Variants in THUMPD2 observed in about 807,000 individuals in gnomAD.
THUMPD2 encodes THUMP domain 2 tRNA and snRNA guanosine methyltransferase, also known as U6 snRNA (guanine-N(2))-methyltransferase THUMPD2.
THUMPD2 carries 56 observed loss-of-function variants against 49.4 expected under a neutral mutation model. That is an observed-to-expected ratio of 1.13 (90% CI 0.91 to 1.41). The LOEUF (loss-of-function observed/expected upper bound fraction) is 1.41, where lower values mean the gene tolerates loss of function less well. Ranked by LOEUF, THUMPD2 falls within the 40% of genes most tolerant of loss-of-function variation. The pLI, the probability that THUMPD2 is intolerant of heterozygous loss-of-function variation, is 0.00. For synonymous variants in THUMPD2, 237 were observed against 205.2 expected (o/e 1.15, Z -1.32); for missense variants, 709 against 594.5 (o/e 1.19, Z -2.00).
chr2:39,764,511 G>C lies in THUMPD2; in HGVS notation c.803+1546C>G, dbSNP rs536355447. On this transcript the variant is annotated intron_variant, in intron 5 of 9. Transcript: ENST00000505747. ...TTCATGGGGCTATTGATATCCAAAT[G>C]GTTTTTTCCTTTAAAGAAAGTAAAA... Among the ~76,000 whole-genome samples the C allele has an allele frequency of 2.0e-5, 3 of 152,270 alleles. No homozygotes were observed. In the East Asian group the frequency reaches 5.8e-4, roughly 29 times the overall value.
intron 3 of THUMPD2, chr2:39,769,105 A>G: frequency 7.7e-7 from 1 of 1,303,578 alleles, no homozygotes; most frequent in Non-Finnish European, 1.0e-6. Context: ...TGTGCAGAGT[A>G]GCCACTGAAT....
At chr2:39,766,339 T>C (rs974943731) in intron 4 of THUMPD2, 10 of 333,374 alleles carry the variant, frequency 3.0e-5, no homozygotes, top group Middle Eastern at 7.9e-4. Context: ...ATTTATTATA[T>C]AGGAGAGTCA....
At chr2:39,771,138 G>A (rs1476024132) in intron 2 of THUMPD2, among the ~76,000 whole-genome samples, 2 of 152,000 alleles carry the variant, frequency 1.3e-5, no homozygotes, top group African/African-American at 2.4e-5. Context: ...AATTTACAAG[G>A]TGATGATTTT....
chr2:39,763,109 C>T (rs1042017753), intron 5 of THUMPD2, among the ~76,000 whole-genome samples: 4 of 151,618 alleles, frequency 2.6e-5, no homozygotes, highest in African/African-American at 7.3e-5. Flanking sequence ...TTCAGAGAAC[C>T]TAGCTAATGT....
chr2:39,757,745 G>C (rs1409158361), intron 6 of THUMPD2, among the ~76,000 whole-genome samples: 4 of 152,150 alleles, frequency 2.6e-5, no homozygotes, highest in Admixed American at 6.5e-5. Flanking sequence ...GATTTTCCTT[G>C]TTATGATATG....
At chr2:39,764,504 T>C (rs1009217634) in intron 5 of THUMPD2, among the ~76,000 whole-genome samples, 5 of 152,250 alleles carry the variant, frequency 3.3e-5, no homozygotes, top group South Asian at 2.1e-4. Context: ...GCTATTGATA[T>C]CCAAATGGTT....
intron 8 of THUMPD2, among the ~76,000 whole-genome samples, chr2:39,753,985 TCTGA>T (rs1338696490): frequency 1.3e-5 from 2 of 152,066 alleles, no homozygotes; most frequent in African/African-American, 2.4e-5. Flanking sequence ...GTGGAGCACT[TCTGA>T]CTGTTTTTTA....
At chr2:39,755,476 G>T in intron 7 of THUMPD2, 67 bp from the exon 8 acceptor site, 1 of 1,055,738 alleles carries the variant, frequency 9.5e-7, no homozygotes, top group South Asian at 1.7e-5. Flanking sequence ...TAAGAAAATC[G>T]ACTTGCATTT....
At chr2:39,747,423 A>C (rs1178790087) in intron 8 of THUMPD2, among the ~76,000 whole-genome samples, 1 of 152,194 alleles carries the variant, frequency 6.6e-6, no homozygotes, top group East Asian at 1.9e-4. Context: ...AGAAGTCCAT[A>C]AACATTAGTC....
intron 1 of THUMPD2, among the ~76,000 whole-genome samples, chr2:39,778,852 G>A (rs1395514115): frequency 6.6e-6 from 1 of 152,204 alleles, no homozygotes; most frequent in Non-Finnish European, 1.5e-5. Flanking sequence ...AAAGAATCCA[G>A]GAAATAACTT....
intron 3 of THUMPD2, chr2:39,768,851 C>G (rs1454305580): frequency 8.2e-7 from 1 of 1,225,022 alleles, no homozygotes; most frequent in Non-Finnish European, 1.1e-6. Context: ...ATGTCAGCTA[C>G]TATAAGCCTA....
intron 4 of THUMPD2, among the ~76,000 whole-genome samples, chr2:39,767,120 T>G (rs957421888): frequency 1.4e-4 from 21 of 152,356 alleles, no homozygotes; most frequent in African/African-American, 5.1e-4. Context: ...TTACTACGTG[T>G]GATTTTTGTG....
At chr2:39,747,204 T>A (rs757029833) in intron 8 of THUMPD2, among the ~76,000 whole-genome samples, 9 of 152,340 alleles carry the variant, frequency 5.9e-5, no homozygotes, top group Admixed American at 2.6e-4. Context: ...TCTCAGAACC[T>A]TGTAAATAAC....
At chr2:39,767,611 A>AAAAAAC (rs1677719183) in intron 4 of THUMPD2, among the ~76,000 whole-genome samples, 1 of 149,770 alleles carries the variant, frequency 6.7e-6, no homozygotes, top group South Asian at 2.1e-4. Context: ...CTCAAAAAAA[A>AAAAAAC]AAAAAAAAAA....
chr2:39,757,708 C>A (rs534959440), intron 6 of THUMPD2, among the ~76,000 whole-genome samples: 1 of 152,196 alleles, frequency 6.6e-6, no homozygotes, highest in African/African-American at 2.4e-5. Flanking sequence ...TGTATACTTA[C>A]AACAACAATT....
chr2:39,766,159 A>C (rs572005185), intron 4 of THUMPD2, 50 bp from the exon 5 acceptor site: 51 of 1,335,820 alleles, frequency 3.8e-5, no homozygotes, highest in Non-Finnish European at 4.9e-5. Context: ...CTTCATTACC[A>C]AATTACTGAC....
At chr2:39,745,974 T>C (rs572939432) in intron 8 of THUMPD2, among the ~76,000 whole-genome samples, 1 of 152,322 alleles carries the variant, frequency 6.6e-6, no homozygotes, top group South Asian at 2.1e-4. Flanking sequence ...TTTGGGAAAT[T>C]ACTGCTTCAG....
chr2:39,758,590 T>C (rs1280402104), intron 6 of THUMPD2, among the ~76,000 whole-genome samples: 1 of 152,140 alleles, frequency 6.6e-6, no homozygotes. Context: ...GAGAGGTCAG[T>C]GAATAGAGAA....
chr2:39,764,958 G>A (rs947586613), intron 5 of THUMPD2, among the ~76,000 whole-genome samples: 1 of 152,042 alleles, frequency 6.6e-6, no homozygotes, highest in African/African-American at 2.4e-5. Flanking sequence ...ATGACGTCTT[G>A]AATGTTTCTA....
Sources: gnomAD v4.1 joint callset for allele counts (sites outside exome capture counted in the v4.1 genomes callset) on GRCh38, gnomAD v4.1.1 for gene constraint, MANE v1.5 for transcripts, NCBI Gene and HGNC (gene_info 2026-07-23, HGNC 2026-07-21) for gene names.